GLT1D1: variants seen among roughly 807,000 people sequenced by gnomAD.
GLT1D1 encodes the protein glycosyltransferase 1 domain containing 1.
Under a neutral mutation model 28.7 loss-of-function variants are expected in GLT1D1, and 21 were observed. That is an observed-to-expected ratio of 0.73 (90% CI 0.52 to 1.05). The LOEUF (loss-of-function observed/expected upper bound fraction) is 1.05, where lower values mean the gene tolerates loss of function less well. GLT1D1 is among the 50% of genes least tolerant of loss of function. The probability of loss-of-function intolerance (pLI) is 0.00; values close to 1 mark genes in which losing one functional copy is unlikely to be tolerated. For missense variants in GLT1D1, 343 were observed against 330.6 expected, an observed-to-expected ratio of 1.04 and a Z score of -0.29; for synonymous variants, 147 against 124.8, an observed-to-expected ratio of 1.18 and a Z score of -1.19.
chr12:128,891,244 T>A (rs1869023718), intron 3 of GLT1D1, among the ~76,000 whole-genome samples: 1 of 152,092 alleles, frequency 6.6e-6, no homozygotes, highest in Admixed American at 6.6e-5. Flanking sequence ...TATACATGCA[T>A]ACCCAAAACA....
At chr12:128,952,469 CTT>C (rs1555218596) in intron 6 of GLT1D1, among the ~76,000 whole-genome samples, 8 of 120,654 alleles carry the variant, frequency 6.6e-5, no homozygotes, top group Non-Finnish European at 3.4e-5. Flanking sequence ...AAATTTCTTT[CTT>C]TTTTTTTTTT....
intron 5 of GLT1D1, among the ~76,000 whole-genome samples, chr12:128,945,920 T>A (rs1275128909): frequency 6.6e-6 from 1 of 152,174 alleles, no homozygotes; most frequent in African/African-American, 2.4e-5. Flanking sequence ...AGTCTGCATT[T>A]TAAGTGGGGT....
At chr12:128,952,759 G>T (rs1593181975) in intron 6 of GLT1D1, among the ~76,000 whole-genome samples, 1 of 130,984 alleles carries the variant, frequency 7.6e-6, no homozygotes, top group South Asian at 2.7e-4. Context: ...ACAGGTGTGA[G>T]CCACCGTGAC....
In GLT1D1 at chr12:128,853,531, G is replaced by A; in HGVS notation, c.-51G>A. The A allele has an allele frequency of 9.7e-7, 1 of 1,028,300 alleles. No homozygotes were observed. The highest frequency in any genetic ancestry group is 1.2e-6 in the Non-Finnish European group (1 of 861,998). 63.7% of individuals were successfully genotyped at this position (1,028,300 alleles called of 1,614,324 possible). A position where few individuals can be genotyped will look rare whatever the true frequency, so the allele number is the denominator to read the frequency against. ...CGTCCGCGTCTGCGCCGGCCCCGGGGCCTGGTCGGCGGCGGCGGGGCCGGT... is the reference window on the plus strand; with the variant it reads ...CGTCCGCGTCTGCGCCGGCCCCGGGACCTGGTCGGCGGCGGCGGGGCCGGT... On this transcript the variant is annotated 5_prime_UTR_variant, in exon 1 of 8. Transcript: ENST00000281703.
At chr12:128,954,935 C>A (rs1877121122) in intron 6 of GLT1D1, among the ~76,000 whole-genome samples, 1 of 152,248 alleles carries the variant, frequency 6.6e-6, no homozygotes, top group South Asian at 2.1e-4. Context: ...GCCCGGGCAA[C>A]AGAGTGAGAC....
intron 7 of GLT1D1, among the ~76,000 whole-genome samples, chr12:128,969,768 C>G (rs940030558): frequency 9.2e-5 from 14 of 152,346 alleles, no homozygotes; most frequent in Middle Eastern, 3.4e-3. Flanking sequence ...AGCTCAGTCC[C>G]CACCTCTGAG....
chr12:128,965,297 G>A (rs1423521188), intron 7 of GLT1D1, among the ~76,000 whole-genome samples: 1 of 152,190 alleles, frequency 6.6e-6, no homozygotes, highest in Non-Finnish European at 1.5e-5. Context: ...GGAGCTGGGG[G>A]CGACCCCTGG....
chr12:128,933,175 T>A (rs1015728834), intron 4 of GLT1D1, among the ~76,000 whole-genome samples: 1 of 152,230 alleles, frequency 6.6e-6, no homozygotes, highest in Non-Finnish European at 1.5e-5. Flanking sequence ...CTAAAAGCCC[T>A]GTTTATCAGT....
At chr12:128,972,958 G>C (rs929284587) in intron 7 of GLT1D1, among the ~76,000 whole-genome samples, 6 of 152,080 alleles carry the variant, frequency 3.9e-5, no homozygotes, top group Non-Finnish European at 8.8e-5. Flanking sequence ...CAACTTTCAA[G>C]TATACTAGAG....
intron 4 of GLT1D1, among the ~76,000 whole-genome samples, chr12:128,939,837 A>ACCCCCCCCCCCCCC (rs34870104): frequency 3.1e-5 from 3 of 97,600 alleles, no homozygotes; most frequent in African/African-American, 4.7e-5. Flanking sequence ...ATTGTTAGAA[A>ACCCCCCCCCCCCCC]CCCCCCCCCA....
In GLT1D1 at chr12:128,883,397, C is replaced by T. The variant is rs184929874; in HGVS notation, c.218-5242C>T. Among the ~76,000 whole-genome samples the T allele has an allele frequency of 2.4e-3, 356 of 150,630 alleles. 13 individuals are homozygous for T. The East Asian group carries it at 0.068, about 29-fold the overall frequency. ...ACAAGGTCAGGAGTTCGAGACCAGC[C>T]TGGCCAACACGGTGAAACCCCGTCT... On this transcript the variant is annotated intron_variant, in intron 2 of 7. Coordinates refer to ENST00000281703, the MANE Select transcript of GLT1D1 (RefSeq NM_144669.3).
intron 2 of GLT1D1, among the ~76,000 whole-genome samples, chr12:128,880,628 C>T (rs1446832795): frequency 2.0e-5 from 3 of 152,120 alleles, no homozygotes; most frequent in African/African-American, 7.2e-5. Context: ...GTTGCCCTAC[C>T]CTGTCATTAA....
intron 4 of GLT1D1, among the ~76,000 whole-genome samples, chr12:128,908,974 T>TA (rs1320614930): frequency 1.3e-5 from 2 of 151,708 alleles, no homozygotes; most frequent in African/African-American, 4.8e-5. Context: ...AATAAATAAA[T>TA]AAAAAATAAA....
In GLT1D1 at chr12:128,972,333, G is replaced by C. The variant is rs576770622; in HGVS notation, c.640-10596G>C. 3.3e-5 allele frequency among the ~76,000 whole-genome samples: 5 copies of C among 152,370 alleles called. No individual in the cohort carries two copies. In the East Asian group the frequency reaches 9.6e-4, roughly 29 times the overall value. ...CAGCTCCACGTGTAGGTAGCTGCGG[G>C]AGAGAGAAGACAGGGTCCACCATGG... is the stretch of plus-strand genomic sequence containing the variant. On this transcript the variant is annotated intron_variant, in intron 7 of 7. Transcript: ENST00000281703.
chr12:128,879,969 G>T (rs1290899986), intron 2 of GLT1D1, among the ~76,000 whole-genome samples: 2 of 152,196 alleles, frequency 1.3e-5, no homozygotes, highest in African/African-American at 4.8e-5. Context: ...TCCAAGCAAG[G>T]CTGAAGTGTT....
In GLT1D1 at chr12:128,942,735, G is replaced by GTTTTTTTTTTTTTTTTTTTTTTTTTT. The variant is rs1397894974; in HGVS notation, c.376-2588_376-2587insTTTTTTTTTTTTTTTTTTTTTTTTTT. Among the ~76,000 whole-genome samples the GTTTTTTTTTTTTTTTTTTTTTTTTTT allele has an allele frequency of 2.2e-4, 20 of 89,550 alleles. 5 individuals carry two copies. The highest frequency in any genetic ancestry group is 7.8e-4 in the African/African-American group (18 of 23,150). 58.7% of individuals were successfully genotyped at this position (89,550 alleles called of 152,430 possible). ...ATCACTTTAGATTCCAATTTTCTTTGTTTGTTTGTTTTTGTTTTTTGTTTT... is the reference window on the plus strand; with the variant it reads ...ATCACTTTAGATTCCAATTTTCTTTGTTTTTTTTTTTTTTTTTTTTTTTTTTTTTGTTTGTTTTTGTTTTTTGTTTT... On this transcript the variant is annotated intron_variant, in intron 4 of 7. Transcript: ENST00000281703.
At chr12:128,884,066 A>G (rs1957125026) in intron 2 of GLT1D1, among the ~76,000 whole-genome samples, 1 of 152,230 alleles carries the variant, frequency 6.6e-6, no homozygotes, top group South Asian at 2.1e-4. Context: ...ACTTCTGGGT[A>G]TATGTGCAAA....
At chr12:128,940,326 G>T (rs1307987664) in intron 4 of GLT1D1, among the ~76,000 whole-genome samples, 2 of 152,174 alleles carry the variant, frequency 1.3e-5, no homozygotes, top group Non-Finnish European at 2.9e-5. Flanking sequence ...AGCCCCTGGG[G>T]TCAGGCTGAA....
At chr12:128,875,854 A>C in intron 1 of GLT1D1, 60 bp from the exon 2 acceptor site, 1 of 1,445,250 alleles carries the variant, frequency 6.9e-7, no homozygotes, top group Non-Finnish European at 9.5e-7. Context: ...TGTAGCAGCA[A>C]CCTGTTACAT....
Sources: gnomAD v4.1 joint callset for allele counts (sites outside exome capture counted in the v4.1 genomes callset) on GRCh38, gnomAD v4.1.1 for gene constraint, MANE v1.5 for transcripts, NCBI Gene and HGNC (gene_info 2026-07-23, HGNC 2026-07-21) for gene names.